NCALD: variants seen among roughly 807,000 people sequenced by gnomAD.
NCALD encodes the protein neurocalcin delta.
Under a neutral mutation model 18.6 loss-of-function variants are expected in NCALD, and 10 were observed. The observed-to-expected ratio is 0.54, with a 90% CI of 0.33 to 0.91. The LOEUF (loss-of-function observed/expected upper bound fraction) is 0.91, where lower values mean the gene tolerates loss of function less well. Among genes scored for constraint, NCALD ranks in the 40% least tolerant of loss-of-function variants. The probability of loss-of-function intolerance (pLI) is 0.03; values close to 1 mark genes in which losing one functional copy is unlikely to be tolerated. For missense variants in NCALD, 184 were observed against 247.6 expected, an observed-to-expected ratio of 0.74 and a Z score of 1.72; for synonymous variants, 88 against 87.4, an observed-to-expected ratio of 1.01 and a Z score of -0.04.
intron 4 of NCALD, among the ~76,000 whole-genome samples, chr8:101,840,643 C>A (rs1354966950): frequency 2.0e-5 from 3 of 152,096 alleles, no homozygotes; most frequent in African/African-American, 7.2e-5. Flanking sequence ...GCAGGACAAG[C>A]TACATATTTG....
At chr8:101,895,186 C>T (rs1817109207) in intron 3 of NCALD, among the ~76,000 whole-genome samples, 1 of 150,494 alleles carries the variant, frequency 6.6e-6, no homozygotes, top group African/African-American at 2.5e-5. Context: ...GGCTTCATCC[C>T]TGGGATGCAA....
chr8:102,090,952 C>G (rs1250213777), intron 1 of NCALD, among the ~76,000 whole-genome samples: 1 of 152,158 alleles, frequency 6.6e-6, no homozygotes, highest in Non-Finnish European at 1.5e-5. Flanking sequence ...CTTGGGAAAA[C>G]TGGTCTCATT....
chr8:101,876,421 A>G (rs1816229198), intron 4 of NCALD, among the ~76,000 whole-genome samples: 1 of 152,258 alleles, frequency 6.6e-6, no homozygotes, highest in African/African-American at 2.4e-5. Context: ...GAACAGTATT[A>G]TAGCAAGTTC....
At chr8:101,777,180 A>C (rs537377645) in intron 1 of NCALD, among the ~76,000 whole-genome samples, 1 of 152,302 alleles carries the variant, frequency 6.6e-6, no homozygotes, top group Admixed American at 6.5e-5. Flanking sequence ...CCAGGTCAAC[A>C]TCAAGCTTGC....
chr8:101,952,871 G>C (rs1026650495), intron 2 of NCALD, among the ~76,000 whole-genome samples: 1 of 152,088 alleles, frequency 6.6e-6, no homozygotes, highest in Non-Finnish European at 1.5e-5. Context: ...TGCCTGTGTG[G>C]CCACAAATGC....
At chr8:101,797,997 T>C (rs1297114818) in intron 4 of NCALD, among the ~76,000 whole-genome samples, 1 of 151,654 alleles carries the variant, frequency 6.6e-6, no homozygotes, top group Non-Finnish European at 1.5e-5. Context: ...GAAAAATGAG[T>C]GAGAGGAATG....
At chr8:101,814,370 C>A (rs1279141025) in intron 4 of NCALD, among the ~76,000 whole-genome samples, 2 of 151,972 alleles carry the variant, frequency 1.3e-5, no homozygotes, top group Non-Finnish European at 2.9e-5. Context: ...ATCGCATCAA[C>A]AGGCTAAAAA....
chr8:102,082,162 C>G (rs1824561229), intron 1 of NCALD, among the ~76,000 whole-genome samples: 1 of 142,372 alleles, frequency 7.0e-6, no homozygotes. Context: ...GAGAGACTTT[C>G]TTTTGGTGCT....
chr8:102,050,168 C>CAAAAAAAAAAAAAAAAAAAAAAAAAAAAA (rs71268541), intron 1 of NCALD, among the ~76,000 whole-genome samples: 1 of 44,702 alleles, frequency 2.2e-5, no homozygotes, highest in Non-Finnish European at 4.0e-5. Flanking sequence ...GACTCCGTCT[C>CAAAAAAAAAAAAAAAAAAAAAAAAAAAAA]AAAAAAAAAA....
intron 2 of NCALD, among the ~76,000 whole-genome samples, chr8:101,705,059 T>A (rs1039370603): frequency 6.6e-6 from 1 of 151,572 alleles, no homozygotes; most frequent in East Asian, 1.9e-4. Flanking sequence ...AAACCCCGTC[T>A]CAACTAAAAA....
chr8:101,794,906 A>C (rs1432814456), upstream of NCALD, among the ~76,000 whole-genome samples: 2 of 152,118 alleles, frequency 1.3e-5, no homozygotes, highest in African/African-American at 4.8e-5. Context: ...TTTATTTTTA[A>C]ATTTTTTGTG....
chr8:101,817,215 G>A (rs564249166), intron 4 of NCALD, among the ~76,000 whole-genome samples: 1 of 152,242 alleles, frequency 6.6e-6, no homozygotes, highest in East Asian at 1.9e-4. Flanking sequence ...CTGGGAAGGT[G>A]CTCTACAAGG....
At chr8:101,922,273 A>G (rs1011242170) in intron 2 of NCALD, among the ~76,000 whole-genome samples, 4 of 152,192 alleles carry the variant, frequency 2.6e-5, no homozygotes, top group African/African-American at 9.7e-5. Context: ...TAGAACCCTG[A>G]CAGATTTCTG....
intron 4 of NCALD, among the ~76,000 whole-genome samples, chr8:101,824,805 A>C (rs1353782733): frequency 6.6e-6 from 1 of 152,132 alleles, no homozygotes; most frequent in Non-Finnish European, 1.5e-5. Context: ...TGATGTGAAA[A>C]ATTTGCTTTT....
chr8:101,885,164 C>T (rs1378184963), intron 4 of NCALD, among the ~76,000 whole-genome samples: 7 of 152,042 alleles, frequency 4.6e-5, no homozygotes, highest in African/African-American at 1.7e-4. Context: ...TCTTGGGGAC[C>T]CAGACAAAAC....
chr8:102,050,476 G>A (rs1389842008), intron 1 of NCALD, among the ~76,000 whole-genome samples: 4 of 150,976 alleles, frequency 2.6e-5, no homozygotes, highest in African/African-American at 9.7e-5. Context: ...TTTACTATAT[G>A]TATTAAATAA....
Position 102,106,445 on chromosome 8 carries a change from G to GTATATATATATATATA in NCALD, c.-210+17776_-210+17791dup, listed in dbSNP as rs369201039. Among the ~76,000 whole-genome samples the GTATATATATATATATA allele has an allele frequency of 9.6e-3, 1,270 of 131,766 alleles. 9 individuals carry two copies. Among genetic ancestry groups the GTATATATATATATATA allele is most frequent in the Middle Eastern group, 0.021 (5 of 242 alleles). The allele number at this position is 131,766 out of a possible 152,430, so 86.4% of individuals were successfully genotyped here. On this transcript the variant is annotated intron_variant, in intron 1 of 6. Coordinates refer to the NCALD transcript ENST00000311028. ...GTACGTGTAAAACTATTAGCATATA[G>GTATATATATATATATA]TATATATATATATATATATATACAC...
chr8:101,981,097 G>A (rs912605290), intron 2 of NCALD, among the ~76,000 whole-genome samples: 1 of 152,060 alleles, frequency 6.6e-6, no homozygotes, highest in African/African-American at 2.4e-5. Flanking sequence ...ACTTTTCATG[G>A]GTTTTATCTC....
chr8:101,704,212 A>G (rs945207813), intron 2 of NCALD, among the ~76,000 whole-genome samples: 2 of 152,188 alleles, frequency 1.3e-5, no homozygotes, highest in African/African-American at 4.8e-5. Context: ...AATATCCAGC[A>G]CTCAACATGG....
Sources: allele counts gnomAD v4.1 joint callset (sites outside exome capture counted in the v4.1 genomes callset), GRCh38; gene constraint gnomAD v4.1.1; transcripts MANE v1.5; gene names NCBI Gene and HGNC (gene_info 2026-07-23, HGNC 2026-07-21).